The following FAM174A variants were observed in gnomAD, a reference collection of about 807,000 sequenced individuals.
The protein encoded by FAM174A is membrane protein FAM174A.
FAM174A carries 14 observed loss-of-function variants against 14.3 expected under a neutral mutation model. The ratio of observed to expected loss-of-function variants is 0.98; its 90% CI spans 0.65 to 1.53. The LOEUF (loss-of-function observed/expected upper bound fraction) is 1.53. Ranked by LOEUF, FAM174A falls within the 40% of genes most tolerant of loss-of-function variation. FAM174A has a pLI of 0.00. For synonymous variants in FAM174A, 108 were observed against 111.4 expected, an observed-to-expected ratio of 0.97 and a Z score of 0.19; for missense variants, 241 against 249.6, an observed-to-expected ratio of 0.97 and a Z score of 0.23.
chr5:100,549,607 ATTT>A (rs202143815), intron 1 of FAM174A, among the ~76,000 whole-genome samples: 2 of 138,694 alleles, frequency 1.4e-5, no homozygotes, highest in Admixed American at 7.3e-5. Flanking sequence ...CACGCTTTTG[ATTT>A]TTTTTTTTTT....
At chr5:100,574,258 G>T (rs907303840) in intron 2 of FAM174A, among the ~76,000 whole-genome samples, 1 of 151,854 alleles carries the variant, frequency 6.6e-6, no homozygotes, top group African/African-American at 2.4e-5. Flanking sequence ...GCACTATCTC[G>T]GCTCACTGCA....
At chr5:100,558,898 C>T (rs989910949) in intron 1 of FAM174A, among the ~76,000 whole-genome samples, 3 of 152,070 alleles carry the variant, frequency 2.0e-5, no homozygotes, top group Admixed American at 2.0e-4. Context: ...TCCAATTTGC[C>T]AGTCTGTGTC....
intron 1 of FAM174A, among the ~76,000 whole-genome samples, chr5:100,554,310 CTTTTT>C (rs34241194): frequency 1.1e-5 from 1 of 93,930 alleles, no homozygotes; most frequent in Admixed American, 1.3e-4. Flanking sequence ...ATTTTTCTAT[CTTTTT>C]TTTTTTTTTT....
intron 2 of FAM174A, among the ~76,000 whole-genome samples, chr5:100,566,988 A>G (rs1038440872): frequency 5.9e-5 from 9 of 151,916 alleles, no homozygotes; most frequent in Non-Finnish European, 8.8e-5. Context: ...GATGACTTGC[A>G]TTACAGTTAC....
intron 1 of FAM174A, among the ~76,000 whole-genome samples, chr5:100,541,899 T>C (rs1245900481): frequency 6.6e-6 from 1 of 152,174 alleles, no homozygotes; most frequent in Non-Finnish European, 1.5e-5. Flanking sequence ...TCTCTTCTGA[T>C]TTTCTTCTTA....
At chr5:100,572,475 C>T (rs917146314) in intron 2 of FAM174A, among the ~76,000 whole-genome samples, 1 of 134,352 alleles carries the variant, frequency 7.4e-6, no homozygotes. Context: ...TTGTTCAGTT[C>T]CCACCTATGA....
chr5:100,545,844 C>T (rs997917681), intron 1 of FAM174A, among the ~76,000 whole-genome samples: 1 of 151,864 alleles, frequency 6.6e-6, no homozygotes, highest in Non-Finnish European at 1.5e-5. Flanking sequence ...TAATTATAAC[C>T]TTGTGTTATC....
intron 1 of FAM174A, among the ~76,000 whole-genome samples, chr5:100,553,024 T>A (rs1746295309): frequency 6.6e-6 from 1 of 152,104 alleles, no homozygotes; most frequent in African/African-American, 2.4e-5. Context: ...CCAAATGCAT[T>A]TACTATGTCT....
At chr5:100,546,940 T>G (rs1416063508) in intron 1 of FAM174A, among the ~76,000 whole-genome samples, 1 of 152,174 alleles carries the variant, frequency 6.6e-6, no homozygotes, top group East Asian at 1.9e-4. Context: ...TTCTCTTTAT[T>G]CTATATAATG....
At chr5:100,539,512 TATC>T (rs771372316) in intron 1 of FAM174A, among the ~76,000 whole-genome samples, 1 of 152,216 alleles carries the variant, frequency 6.6e-6, no homozygotes, top group Non-Finnish European at 1.5e-5. Flanking sequence ...AGCTTTTACT[TATC>T]ATCCTAATAG....
At position 100,562,631 on chromosome 5, in the gene FAM174A, T is replaced by A. The variant is rs80144708; in HGVS notation, c.569+443T>A. Among the ~76,000 whole-genome samples, 1,314 of 151,664 alleles carry A rather than the reference T, an allele frequency of 8.7e-3. 15 individuals are homozygous for A. Among genetic ancestry groups the A allele is most frequent in the African/African-American group, 0.029 (1,206 of 41,432 alleles). ...GCGTGTGTGTTTGTGTGTGTGTGTG[T>A]GAGAGAGAAATACTTATTAAATTTA... On this transcript the variant is annotated intron_variant, in intron 2 of 2. Transcript: ENST00000312637.
At chr5:100,568,318 G>A (rs561737490) in intron 2 of FAM174A, among the ~76,000 whole-genome samples, 2 of 151,796 alleles carry the variant, frequency 1.3e-5, no homozygotes, top group African/African-American at 4.8e-5. Flanking sequence ...AGATGTTCTA[G>A]ACTCTTTTGG....
chr5:100,558,391 C>T (rs920926206), intron 1 of FAM174A, among the ~76,000 whole-genome samples: 1 of 151,920 alleles, frequency 6.6e-6, no homozygotes, highest in African/African-American at 2.4e-5. Context: ...GTGTGGTGTG[C>T]TGCTGAAAAG....
chr5:100,563,701 GTGCCC>G (rs1746579951), intron 2 of FAM174A, among the ~76,000 whole-genome samples: 1 of 151,834 alleles, frequency 6.6e-6, no homozygotes, highest in Non-Finnish European at 1.5e-5. Flanking sequence ...TTCTTCTCAA[GTGCCC>G]ATGGGATGCA....
In FAM174A at chr5:100,566,140, T is replaced by TGATAGATATATATATA. The variant is rs1178525666; in HGVS notation, c.569+3956_569+3957insGATATATATATAGATA. 2.5e-4 allele frequency among the ~76,000 whole-genome samples: 2 copies of TGATAGATATATATATA among 8,078 alleles called. 1 individual carries two copies. Among genetic ancestry groups the TGATAGATATATATATA allele is most frequent in the Admixed American group, 5.4e-3 (2 of 368 alleles). The allele number at this position is 8,078 out of a possible 152,430, so 5.3% of individuals were successfully genotyped here. ...AACAGATAAATGAATTTGAAAAGTATGATATATATATATATATATATATAT... is the reference window on the plus strand; with the variant it reads ...AACAGATAAATGAATTTGAAAAGTATGATAGATATATATATAGATATATATATATATATATATATAT... On this transcript the variant is annotated intron_variant, in intron 2 of 2. Transcript: ENST00000312637.
At chr5:100,584,533 T>C (rs1747089601) in intron 2 of FAM174A, among the ~76,000 whole-genome samples, 1 of 152,204 alleles carries the variant, frequency 6.6e-6, no homozygotes, top group Non-Finnish European at 1.5e-5. Flanking sequence ...TTAAACCATC[T>C]TTTGTTGGCA....
chr5:100,537,198 T>G (rs1745958412), intron 1 of FAM174A, among the ~76,000 whole-genome samples: 2 of 152,176 alleles, frequency 1.3e-5, no homozygotes, highest in African/African-American at 4.8e-5. Context: ...CTTTGTATGC[T>G]TCAACCAAAC....
At chr5:100,574,325 A>T (rs2112398936) in intron 2 of FAM174A, among the ~76,000 whole-genome samples, 1 of 152,020 alleles carries the variant, frequency 6.6e-6, no homozygotes, top group South Asian at 2.1e-4. Context: ...AGTAGCTGGG[A>T]TTACAGATGT....
intron 1 of FAM174A, among the ~76,000 whole-genome samples, chr5:100,560,278 G>T (rs892350978): frequency 1.3e-5 from 2 of 152,096 alleles, no homozygotes; most frequent in African/African-American, 4.8e-5. Flanking sequence ...CATGGTGTGT[G>T]TGGGTGTGTT....
Sources: allele counts gnomAD v4.1 joint callset (sites outside exome capture counted in the v4.1 genomes callset), GRCh38; gene constraint gnomAD v4.1.1; transcripts MANE v1.5; gene names NCBI Gene and HGNC (gene_info 2026-07-23, HGNC 2026-07-21).